The following FMN2 variants were observed in gnomAD, a reference collection of about 807,000 sequenced individuals.
The protein encoded by FMN2 is formin-2.
In FMN2, 51 loss-of-function variants were observed where a neutral mutation model predicts 142.3. The observed-to-expected ratio is 0.36, with a 90% CI of 0.29 to 0.45. FMN2 has a LOEUF of 0.45. Among genes scored for constraint, FMN2 ranks in the 20% least tolerant of loss-of-function variants. The probability of loss-of-function intolerance (pLI) is 1.00; values close to 1 mark genes in which losing one functional copy is unlikely to be tolerated. For synonymous variants in FMN2, 882 were observed against 869.8 expected (o/e 1.01, Z -0.25); for missense variants, 1,936 against 2,122.8 (o/e 0.91, Z 1.73).
At chr1:240,150,313 G>A (rs1045676534) in intron 2 of FMN2, among the ~76,000 whole-genome samples, 2 of 152,158 alleles carry the variant, frequency 1.3e-5, no homozygotes, top group Admixed American at 1.3e-4. Context: ...AACAAATCAC[G>A]CGGGTGGAAA....
rs528156005 is a variant in FMN2 at position 240,230,560 on chromosome 1, T to C, written c.4065+19325T>C. Reference sequence around the variant, plus strand: ...GGCTTTTCTTTAATTGATCCATGTGTTAATCTTTATGTATAGTTCTGTGTA... The same window carrying C: ...GGCTTTTCTTTAATTGATCCATGTGCTAATCTTTATGTATAGTTCTGTGTA... On this transcript the variant is annotated intron_variant, in intron 6 of 17. Transcript: ENST00000319653. Among the ~76,000 whole-genome samples the C allele has an allele frequency of 2.1e-4, 28 of 132,134 alleles. 2 individuals carry two copies. The highest frequency in any genetic ancestry group is 3.7e-4 in the Non-Finnish European group (23 of 62,964). 86.7% of individuals were successfully genotyped at this position (132,134 alleles called of 152,430 possible). A position where few individuals can be genotyped will look rare whatever the true frequency, so the allele number is the denominator to read the frequency against.
chr1:240,142,860 T>C (rs878872243), intron 2 of FMN2: 1 of 1,593,426 alleles, frequency 6.3e-7, no homozygotes, highest in Non-Finnish European at 8.6e-7. Flanking sequence ...CTGGCCTACA[T>C]GGACAGACAC....
chr1:240,101,564 A>G (rs1005182402), intron 1 of FMN2, among the ~76,000 whole-genome samples: 7 of 151,772 alleles, frequency 4.6e-5, no homozygotes, highest in Non-Finnish European at 7.4e-5. Flanking sequence ...AGACAGGGTC[A>G]TGCTCTGCCA....
chr1:240,172,974 C>T (rs1019009230), intron 2 of FMN2, among the ~76,000 whole-genome samples: 2 of 151,266 alleles, frequency 1.3e-5, no homozygotes, highest in African/African-American at 4.9e-5. Flanking sequence ...CTTGCTCTGT[C>T]GTCCAGGCTG....
intron 2 of FMN2, among the ~76,000 whole-genome samples, chr1:240,137,738 G>A (rs944748035): frequency 1.3e-5 from 2 of 152,098 alleles, no homozygotes; most frequent in South Asian, 4.2e-4. Flanking sequence ...TTGAGTGGTC[G>A]AGGATGCCCG....
chr1:240,182,399 TAGA>T (rs1665189981), intron 3 of FMN2, among the ~76,000 whole-genome samples: 1 of 152,104 alleles, frequency 6.6e-6, no homozygotes, highest in Admixed American at 6.5e-5. Context: ...CAGAAAATCC[TAGA>T]AGAAAATATA....
Position 240,386,925 on chromosome 1 carries a change from G to T in FMN2, c.4859-5586G>T, listed in dbSNP as rs61829207. 1.0e-2 allele frequency among the ~76,000 whole-genome samples: 1,519 copies of T among 152,200 alleles called. 6 individuals carry two copies. The highest frequency in any genetic ancestry group is 0.017 in the Middle Eastern group (5 of 294). On this transcript the variant is annotated intron_variant, in intron 14 of 17. Coordinates refer to ENST00000319653, the MANE Select transcript of FMN2 (RefSeq NM_020066.5). ...TAAAGGCTGCCTCCTAAAACATTTG[G>T]TGTTTCTTTTATTGTATGGTTCCAA...
In FMN2 at chr1:240,324,737, C is replaced by G. The variant is rs140575458; in HGVS notation, c.4216-4339C>G. Among the ~76,000 whole-genome samples the G allele has an allele frequency of 2.2e-4, 33 of 151,222 alleles. No homozygotes were observed. In the East Asian group the frequency reaches 5.5e-3, roughly 25 times the overall value. Reference sequence around the variant, plus strand: ...GGAAGAAAGAAAGAGAAAAAGAAAACAAAAACAGGTTTAGCTCTTGGACTA... The same window carrying G: ...GGAAGAAAGAAAGAGAAAAAGAAAAGAAAAACAGGTTTAGCTCTTGGACTA... On this transcript the variant is annotated intron_variant, in intron 8 of 17. Coordinates refer to ENST00000319653, the MANE Select transcript of FMN2 (RefSeq NM_020066.5).
At chr1:240,234,767 CTA>C (rs1667645963) in intron 6 of FMN2, among the ~76,000 whole-genome samples, 2 of 152,146 alleles carry the variant, frequency 1.3e-5, no homozygotes, top group Admixed American at 6.5e-5. Flanking sequence ...CCTGAGGAAA[CTA>C]AGGTTTATTC....
At chr1:240,335,569 C>T (rs994685825) in intron 13 of FMN2, among the ~76,000 whole-genome samples, 1 of 152,016 alleles carries the variant, frequency 6.6e-6, no homozygotes, top group Non-Finnish European at 1.5e-5. Context: ...GAAAATACTT[C>T]CCACTTCAAT....
intron 1 of FMN2, among the ~76,000 whole-genome samples, chr1:240,122,080 A>AATTAATTAC (rs1662295886): frequency 6.9e-6 from 1 of 145,972 alleles, no homozygotes; most frequent in Non-Finnish European, 1.5e-5. Flanking sequence ...TAATTAATTT[A>AATTAATTAC]TTTATTTATT....
At chr1:240,186,314 C>A (rs1017209971) in intron 3 of FMN2, among the ~76,000 whole-genome samples, 1 of 152,174 alleles carries the variant, frequency 6.6e-6, no homozygotes, top group Non-Finnish European at 1.5e-5. Flanking sequence ...CTTTCATTCA[C>A]TCCTACAATT....
intron 5 of FMN2, 41 bp from the exon 6 acceptor site, chr1:240,211,050 C>T: frequency 6.4e-7 from 1 of 1,572,060 alleles, no homozygotes; most frequent in Non-Finnish European, 8.6e-7. Context: ...GATGTAAGTT[C>T]AGTTTGATGG....
chr1:240,143,500 T>A (rs1275288924), intron 2 of FMN2: 2 of 1,568,258 alleles, frequency 1.3e-6, no homozygotes, highest in Non-Finnish European at 1.8e-6. Flanking sequence ...CTTGCCTTTG[T>A]CTTCCTCCTT....
intron 16 of FMN2, among the ~76,000 whole-genome samples, chr1:240,470,613 T>C (rs905843475): frequency 6.6e-6 from 1 of 152,226 alleles, no homozygotes; most frequent in South Asian, 2.1e-4. Context: ...ATGAATTCTG[T>C]CATTAGATTT....
chr1:240,223,647 T>C lies in FMN2; in HGVS notation c.4065+12412T>C, dbSNP rs551717710. Among the ~76,000 whole-genome samples, 413 of 152,336 alleles carry C rather than the reference T, an allele frequency of 2.7e-3. 3 individuals carry two copies. In the South Asian group the frequency reaches 0.027, roughly 10 times the overall value. On this transcript the variant is annotated intron_variant, in intron 6 of 17. Transcript: ENST00000319653. ...TTTTGGTTGGTAGGCTAGCAATTAC[T>C]GCCTCGTTTTCAGAACTTGTTATTG... is the stretch of plus-strand genomic sequence containing the variant.
chr1:240,167,639 T>TA (rs1420318333), intron 2 of FMN2, among the ~76,000 whole-genome samples: 1 of 152,250 alleles, frequency 6.6e-6, no homozygotes, highest in Non-Finnish European at 1.5e-5. Context: ...AGAGCTGTTT[T>TA]AATGGCTATG....
intron 2 of FMN2, among the ~76,000 whole-genome samples, chr1:240,159,984 CACACACACACACACAT>C (rs1664213339): frequency 1.4e-5 from 2 of 145,626 alleles, no homozygotes; most frequent in African/African-American, 5.0e-5. Flanking sequence ...TACACACACA[CACACACACACACACAT>C]ACACACATAT....
intron 3 of FMN2, among the ~76,000 whole-genome samples, chr1:240,181,436 C>T (rs575649696): frequency 3.3e-5 from 5 of 152,292 alleles, no homozygotes; most frequent in South Asian, 4.1e-4. Context: ...AACTTTTTCA[C>T]GATCTGTTCT....
Sources: gnomAD v4.1 joint callset for allele counts (sites outside exome capture counted in the v4.1 genomes callset) on GRCh38, gnomAD v4.1.1 for gene constraint, MANE v1.5 for transcripts, NCBI Gene and HGNC (gene_info 2026-07-23, HGNC 2026-07-21) for gene names.